The following CNTN5 variants were observed in gnomAD, a reference collection of about 807,000 sequenced individuals.
The protein encoded by CNTN5 is contactin-5.
Under a neutral mutation model 129.1 loss-of-function variants are expected in CNTN5, and 77 were observed. The ratio of observed to expected loss-of-function variants is 0.60; its 90% CI spans 0.50 to 0.72. The LOEUF is 0.72. Among genes scored for constraint, CNTN5 ranks in the 30% least tolerant of loss-of-function variants. The pLI, the probability that CNTN5 is intolerant of heterozygous loss-of-function variation, is 0.00. For synonymous variants in CNTN5, 509 were observed against 465.6 expected (o/e 1.09, Z -1.20); for missense variants, 1,478 against 1,328.8 (o/e 1.11, Z -1.75).
chr11:100,293,703 C>G (rs1299573406), intron 18 of CNTN5, among the ~76,000 whole-genome samples: 2 of 151,696 alleles, frequency 1.3e-5, no homozygotes, highest in Non-Finnish European at 3.0e-5. Context: ...AGGGGTAGAA[C>G]TAGGATTCAA....
At chr11:99,762,178 T>A (rs1185136299) in intron 3 of CNTN5, among the ~76,000 whole-genome samples, 1 of 110,742 alleles carries the variant, frequency 9.0e-6, no homozygotes, top group Non-Finnish European at 1.9e-5. Context: ...CTTTGTCAGA[T>A]GAGTAGGTTG....
intron 16 of CNTN5, among the ~76,000 whole-genome samples, chr11:100,245,507 A>C (rs1949823055): frequency 6.6e-6 from 1 of 152,082 alleles, no homozygotes; most frequent in South Asian, 2.1e-4. Context: ...TATAATGAGG[A>C]GGAGGCAGAG....
intron 21 of CNTN5, among the ~76,000 whole-genome samples, chr11:100,335,815 C>T (rs1422675398): frequency 6.6e-6 from 1 of 151,810 alleles, no homozygotes; most frequent in Non-Finnish European, 1.5e-5. Context: ...CTATACTCTC[C>T]TACAGGTATT....
chr11:99,716,942 A>G (rs1203573478), intron 3 of CNTN5, among the ~76,000 whole-genome samples: 1 of 152,096 alleles, frequency 6.6e-6, no homozygotes, highest in Non-Finnish European at 1.5e-5. Flanking sequence ...CTCAAGGAGT[A>G]TACCAGGGGA....
intron 2 of CNTN5, among the ~76,000 whole-genome samples, chr11:99,409,197 G>T (rs1448653240): frequency 6.6e-6 from 1 of 152,216 alleles, no homozygotes; most frequent in Non-Finnish European, 1.5e-5. Context: ...AGGCACGATG[G>T]CTCAGGCCCG....
chr11:100,328,014 A>G (rs1951825107), intron 21 of CNTN5, among the ~76,000 whole-genome samples: 1 of 152,104 alleles, frequency 6.6e-6, no homozygotes, highest in Non-Finnish European at 1.5e-5. Context: ...AATTAAAGGT[A>G]TAGAAGTAAC....
At position 99,848,403 on chromosome 11, in the gene CNTN5, T is replaced by C. The variant is rs201543231; in HGVS notation, c.577+3141T>C. Among the ~76,000 whole-genome samples the C allele has an allele frequency of 3.2e-4, 49 of 152,252 alleles. No individual in the cohort carries two copies. The East Asian group carries it at 7.5e-3, about 23-fold the overall frequency. ...CATTTTAAAGCTAAAATATTTTATA[T>C]CTACCAGGCTTTATTTATCTAAAAA... is the stretch of plus-strand genomic sequence containing the variant. On this transcript the variant is annotated intron_variant, in intron 6 of 24. Coordinates refer to ENST00000524871, the MANE Select transcript of CNTN5 (RefSeq NM_014361.4).
intron 1 of CNTN5, among the ~76,000 whole-genome samples, chr11:99,069,124 T>C (rs531267994): frequency 3.0e-4 from 45 of 152,228 alleles, no homozygotes; most frequent in African/African-American, 8.2e-4. Flanking sequence ...GTGGAATCAT[T>C]TGATAGAAAA....
chr11:99,833,044 A>G (rs1165066173), intron 4 of CNTN5, among the ~76,000 whole-genome samples: 1 of 152,190 alleles, frequency 6.6e-6, no homozygotes, highest in Non-Finnish European at 1.5e-5. Flanking sequence ...ATTGAGGGAG[A>G]CATGATAATG....
At chr11:99,841,614 A>G (rs1414227292) in intron 4 of CNTN5, among the ~76,000 whole-genome samples, 4 of 151,612 alleles carry the variant, frequency 2.6e-5, no homozygotes, top group African/African-American at 2.4e-5. Context: ...CAGCAGAAGC[A>G]GCAGAAGCAG....
chr11:99,971,341 G>A (rs1298579233), intron 8 of CNTN5, among the ~76,000 whole-genome samples: 2 of 151,994 alleles, frequency 1.3e-5, no homozygotes, highest in African/African-American at 2.4e-5. Context: ...TCAGGAGATC[G>A]TGACCATCCT....
At chr11:100,340,433 T>G (rs1479103357) in intron 21 of CNTN5, 30 bp from the exon 22 acceptor site, 1 of 1,554,090 alleles carries the variant, frequency 6.4e-7, no homozygotes, top group Admixed American at 1.8e-5. Context: ...AGCTTTAAAA[T>G]TAACCTGCCA....
chr11:99,383,667 A>T (rs1006258231), intron 2 of CNTN5, among the ~76,000 whole-genome samples: 1 of 151,990 alleles, frequency 6.6e-6, no homozygotes, highest in Admixed American at 6.6e-5. Context: ...AGGAGTACCT[A>T]TAATTTATTT....
intron 9 of CNTN5, among the ~76,000 whole-genome samples, chr11:100,011,649 C>T (rs1033712218): frequency 1.3e-5 from 2 of 152,248 alleles, no homozygotes; most frequent in Admixed American, 1.3e-4. Context: ...CTGCTTATCT[C>T]TCTTTCAGAT....
At chr11:99,632,950 T>C (rs1017562137) in intron 3 of CNTN5, among the ~76,000 whole-genome samples, 8 of 152,118 alleles carry the variant, frequency 5.3e-5, no homozygotes, top group African/African-American at 1.9e-4. Context: ...TGCAAAATAA[T>C]GGATTTATTC....
chr11:99,091,215 A>T (rs182519687), intron 1 of CNTN5, among the ~76,000 whole-genome samples: 1 of 152,220 alleles, frequency 6.6e-6, no homozygotes. Context: ...CTGTTACTAT[A>T]ACTTTGGTCA....
chr11:99,600,562 C>A (rs1235258133), intron 3 of CNTN5, among the ~76,000 whole-genome samples: 1 of 152,154 alleles, frequency 6.6e-6, no homozygotes, highest in Non-Finnish European at 1.5e-5. Flanking sequence ...CCAGGGCAAA[C>A]TGCCTCTCCT....
intron 21 of CNTN5, among the ~76,000 whole-genome samples, chr11:100,321,176 C>A (rs1391096847): frequency 2.0e-5 from 3 of 151,754 alleles, no homozygotes; most frequent in Admixed American, 6.6e-5. Context: ...TTTTTCCAGT[C>A]CATGAACATA....
At chr11:99,972,275 TAAATA>T (rs1380446132) in intron 8 of CNTN5, among the ~76,000 whole-genome samples, 1 of 151,446 alleles carries the variant, frequency 6.6e-6, no homozygotes, top group Non-Finnish European at 1.5e-5. Flanking sequence ...AATAAGTAAA[TAAATA>T]AATAAAAATA....
Sources: allele counts gnomAD v4.1 joint callset (sites outside exome capture counted in the v4.1 genomes callset), GRCh38; gene constraint gnomAD v4.1.1; transcripts MANE v1.5; gene names NCBI Gene and HGNC (gene_info 2026-07-23, HGNC 2026-07-21).